The following TRPM3 variants were observed in gnomAD, a reference collection of about 807,000 sequenced individuals.
TRPM3 encodes the protein transient receptor potential cation channel subfamily M member 3, also known as long transient receptor potential channel 3.
In TRPM3, 77 loss-of-function variants were observed where a neutral mutation model predicts 181.2. That is an observed-to-expected ratio of 0.42 (90% CI 0.35 to 0.51). The LOEUF is 0.51. Ranked by LOEUF, TRPM3 falls within the 20% of genes least tolerant of loss-of-function variation. The pLI is 0.01. For missense variants in TRPM3, 1,759 were observed against 2,196.7 expected, an observed-to-expected ratio of 0.80 and a Z score of 3.98; for synonymous variants, 745 against 796.4, an observed-to-expected ratio of 0.94 and a Z score of 1.09.
chr9:71,158,207 C>A (rs143023039), intron 1 of TRPM3, among the ~76,000 whole-genome samples: 1 of 152,172 alleles, frequency 6.6e-6, no homozygotes, highest in East Asian at 1.9e-4. Flanking sequence ...CCAAAATATG[C>A]CCCTAGTTGA....
intron 1 of TRPM3, among the ~76,000 whole-genome samples, chr9:71,111,080 AAAC>A (rs1235619038): frequency 1.3e-5 from 2 of 152,216 alleles, no homozygotes; most frequent in Non-Finnish European, 2.9e-5. Flanking sequence ...TTGATTTAAA[AAAC>A]AACATATATG....
chr9:71,188,966 A>T (rs2077847691), intron 1 of TRPM3, among the ~76,000 whole-genome samples: 1 of 151,894 alleles, frequency 6.6e-6, no homozygotes, highest in Non-Finnish European at 1.5e-5. Flanking sequence ...CATTGAGGAA[A>T]AAGGTCTATT....
In TRPM3 at chr9:71,099,159, G is replaced by C. The variant is rs535031475; in HGVS notation, c.177+22019C>G. Reference sequence around the variant, plus strand: ...TGGGAAGTTCAAGATGAAGGCACTGGCAGATTTGGAATCTGGTGATGGTCC... The same window carrying C: ...TGGGAAGTTCAAGATGAAGGCACTGCCAGATTTGGAATCTGGTGATGGTCC... On this transcript the variant is annotated intron_variant, in intron 1 of 25. Coordinates refer to ENST00000677713, the MANE Select transcript of TRPM3 (RefSeq NM_001366145.2). Among the ~76,000 whole-genome samples the C allele has an allele frequency of 5.9e-5, 9 of 152,228 alleles. No individual in the cohort carries two copies. The East Asian group carries it at 1.5e-3, about 26-fold the overall frequency.
intron 1 of TRPM3, among the ~76,000 whole-genome samples, chr9:70,942,722 T>G (rs2096897617): frequency 6.6e-6 from 1 of 152,194 alleles, no homozygotes; most frequent in African/African-American, 2.4e-5. Flanking sequence ...TTATTAGCAA[T>G]GTGCTATTGG....
chr9:71,309,331 T>C (rs1379797361), intron 1 of TRPM3, among the ~76,000 whole-genome samples: 1 of 152,206 alleles, frequency 6.6e-6, no homozygotes, highest in Non-Finnish European at 1.5e-5. Context: ...TTAATGCAGA[T>C]ACACTCAAAC....
At chr9:70,662,663 T>C (rs1056147066) in intron 9 of TRPM3, among the ~76,000 whole-genome samples, 2 of 152,040 alleles carry the variant, frequency 1.3e-5, no homozygotes, top group African/African-American at 4.8e-5. Context: ...CTAATTCTCA[T>C]GGAAATGCAA....
chr9:70,773,485 G>A (rs929613358), intron 7 of TRPM3, among the ~76,000 whole-genome samples: 6 of 152,068 alleles, frequency 3.9e-5, no homozygotes, highest in African/African-American at 1.4e-4. Context: ...TCAGAGGTGT[G>A]GGAAAAGGGG....
At chr9:70,884,475 T>A (rs2132734923) in intron 1 of TRPM3, among the ~76,000 whole-genome samples, 1 of 152,302 alleles carries the variant, frequency 6.6e-6, no homozygotes, top group South Asian at 2.1e-4. Context: ...GGGGCAGAAC[T>A]GGCGATGGCC....
chr9:71,258,327 C>T (rs559211186), intron 1 of TRPM3, among the ~76,000 whole-genome samples: 14 of 152,320 alleles, frequency 9.2e-5, no homozygotes, highest in African/African-American at 3.4e-4. Flanking sequence ...CTGGCTCCAG[C>T]ATCTGATCTC....
At chr9:71,301,915 A>G (rs558547456) in intron 1 of TRPM3, among the ~76,000 whole-genome samples, 4 of 152,144 alleles carry the variant, frequency 2.6e-5, no homozygotes, top group Non-Finnish European at 2.9e-5. Context: ...ACATGGATTT[A>G]CCCTCAAGAG....
chr9:70,545,151 T>A (rs1395383660), intron 25 of TRPM3, among the ~76,000 whole-genome samples: 1 of 152,220 alleles, frequency 6.6e-6, no homozygotes, highest in Admixed American at 6.5e-5. Context: ...TATTGCAGAA[T>A]TAGTATTAAA....
At chr9:70,552,621 T>C (rs1325944829) in intron 24 of TRPM3, among the ~76,000 whole-genome samples, 1 of 152,190 alleles carries the variant, frequency 6.6e-6, no homozygotes, top group Non-Finnish European at 1.5e-5. Flanking sequence ...AAGAAAGACA[T>C]GAGGCTAAGA....
intron 1 of TRPM3, among the ~76,000 whole-genome samples, chr9:71,201,089 C>G (rs1439923629): frequency 6.6e-6 from 1 of 151,970 alleles, no homozygotes; most frequent in African/African-American, 2.4e-5. Context: ...AATCACTCAG[C>G]ATTTGCTTGT....
chr9:71,246,052 C>T (rs2082018682), intron 1 of TRPM3, among the ~76,000 whole-genome samples: 1 of 152,164 alleles, frequency 6.6e-6, no homozygotes, highest in Admixed American at 6.5e-5. Context: ...TGTTTTACAA[C>T]TTTTAAAATT....
At chr9:71,253,088 A>G (rs2082450912) in intron 1 of TRPM3, among the ~76,000 whole-genome samples, 1 of 152,102 alleles carries the variant, frequency 6.6e-6, no homozygotes, top group Non-Finnish European at 1.5e-5. Flanking sequence ...TTACAGAATT[A>G]CATTTGAAAC....
At position 70,639,148 on chromosome 9, in the gene TRPM3, CTG is replaced by C; in HGVS notation, c.1491_1492del (p.Asp497GlufsTer59). 6.2e-7 allele frequency: 1 copy of C among 1,614,020 alleles called. No individual in the cohort carries two copies. Among genetic ancestry groups the C allele is most frequent in the African/African-American group, 1.3e-5 (1 of 75,046 alleles). ...TATGAGTAATTTCACAAAATCCACTCTGTCCAGAACTAAGGCATCCAACATGG... is the reference window on the plus strand; with the variant it reads ...TATGAGTAATTTCACAAAATCCACTCTCCAGAACTAAGGCATCCAACATGG... On this transcript the variant is annotated frameshift_variant, in exon 11 of 26. Coordinates refer to ENST00000677713, the MANE Select transcript of TRPM3 (RefSeq NM_001366145.2). LOFTEE classifies it high-confidence loss of function.
At chr9:70,648,504 T>C (rs942460463) in intron 9 of TRPM3, among the ~76,000 whole-genome samples, 2 of 152,022 alleles carry the variant, frequency 1.3e-5, no homozygotes, top group Non-Finnish European at 1.5e-5. Context: ...AAATTTAATA[T>C]GCAACCCAAA....
Position 70,591,120 on chromosome 9 carries a change from T to C in TRPM3, c.3134A>G (p.Asn1045Ser), listed in dbSNP as rs749765042. ...GGCCAGTTTCCATGATGGCTCCTCA[T>C]TGGGAAAAAGGATGGCTTGCCTGGC... ...GVARQAILFP[N>S]EEPSWKLAKN... The change falls in exon 22 of 26, where the codon AAT becomes AGT. Residue 1045 changes from asparagine to serine, a missense_variant. By Grantham distance (46) the Asn-to-Ser change is conservative. Transcript: ENST00000677713. The C allele has an allele frequency of 1.6e-5, 26 of 1,614,080 alleles. No homozygotes were observed. Among genetic ancestry groups the C allele is most frequent in the Middle Eastern group, 1.6e-4 (1 of 6,062 alleles).
chr9:70,835,166 G>A (rs2131839620), intron 5 of TRPM3, among the ~76,000 whole-genome samples: 1 of 152,216 alleles, frequency 6.6e-6, no homozygotes, highest in East Asian at 1.9e-4. Flanking sequence ...GCCTTCACTA[G>A]GGGCAGATGC....
Sources: allele counts gnomAD v4.1 joint callset (sites outside exome capture counted in the v4.1 genomes callset), GRCh38; gene constraint gnomAD v4.1.1; transcripts MANE v1.5; gene names NCBI Gene and HGNC (gene_info 2026-07-23, HGNC 2026-07-21).